Variants in MYH4 observed in about 807,000 individuals in gnomAD.
MYH4 encodes myosin-4.
MYH4 carries 200 observed loss-of-function variants against 229.9 expected under a neutral mutation model. The ratio of observed to expected loss-of-function variants is 0.87; its 90% confidence interval spans 0.78 to 0.98. The LOEUF (loss-of-function observed/expected upper bound fraction) is 0.98. MYH4 is among the 50% of genes least tolerant of loss of function. MYH4 has a pLI of 0.00. For synonymous variants in MYH4, 761 were observed against 834.6 expected (o/e 0.91, Z 1.52); for missense variants, 2,148 against 2,332.6 (o/e 0.92, Z 1.63).
At chr17:10,467,930 C>A (rs2072785003) in intron 2 of MYH4, among the ~76,000 whole-genome samples, 1 of 152,186 alleles carries the variant, frequency 6.6e-6, no homozygotes, top group East Asian at 1.9e-4. Flanking sequence ...ATGATGGCGA[C>A]AACAGCAATA....
In MYH4 at chr17:10,466,738, G is replaced by C. The variant is rs1359475796; in HGVS notation, c.8C>G (p.Ser3Cys). 6.2e-7 allele frequency: 1 copy of C among 1,614,234 alleles called. No individual in the cohort carries two copies. Among genetic ancestry groups the C allele is most frequent in the Admixed American group, 1.7e-5 (1 of 60,026 alleles). Residue 3 changes from serine to cysteine, a missense_variant, in exon 3 of 40, where the codon TCT becomes TGT. Transcript: ENST00000255381. MS[S>C]DSEMAIFGEA... ...CCCAAAAATGGCCATCTCAGAGTCA[G>C]AACTCATGGCTGCAGGTTATTGATG...
chr17:10,444,601 C>G lies in MYH4; in HGVS notation c.5667+3G>C, dbSNP rs1375478811. ...CTTTCATTTCCACTGTGGAGATACT[C>G]ACAGCCTCTTCAGCTTGTCTCTTGT... On this transcript the variant is annotated splice_donor_region_variant and intron_variant, in intron 39 of 39. Transcript: ENST00000255381. 6 of 1,612,496 alleles carry G rather than the reference C, an allele frequency of 3.7e-6. No individual in the cohort carries two copies.
At chr17:10,445,442 G>A in intron 35 of MYH4, 80 bp from the exon 36 acceptor site, 1 of 1,530,598 alleles carries the variant, frequency 6.5e-7, no homozygotes, top group Non-Finnish European at 8.9e-7. Flanking sequence ...GTGTACACAG[G>A]CAAAAATTAT....
rs1348466283 is a variant in MYH4, at chr17:10,459,391, A to T, written c.1447T>A (p.Phe483Ile). Residue 483 changes from phenylalanine (F) to isoleucine (I), a missense_variant, in exon 15 of 40, where the codon TTC (phenylalanine) becomes ATC (isoleucine). By Grantham distance (21) the Phe-to-Ile change is conservative. Transcript: ENST00000255381. ...FNSLEQLCIN[F>I]TNEKLQQFFN... ...AACTGTTGCAGTTTCTCGTTGGTGAAGTTGATGCACAGCTGCTCCAGGCTG... is the reference window on the plus strand; with the variant it reads ...AACTGTTGCAGTTTCTCGTTGGTGATGTTGATGCACAGCTGCTCCAGGCTG... 3.1e-6 allele frequency: 5 copies of T among 1,614,206 alleles called. No homozygotes were observed. Among genetic ancestry groups the T allele is most frequent in the Non-Finnish European group, 4.2e-6 (5 of 1,180,048 alleles).
Position 10,445,150 on chromosome 17 carries a change from G to C in MYH4, c.5296-4C>G. The C allele has an allele frequency of 6.2e-7, 1 of 1,614,166 alleles. No individual in the cohort carries two copies. The highest frequency in any genetic ancestry group is 1.1e-5 in the South Asian group (1 of 91,074). On this transcript the variant is annotated splice_region_variant and splice_polypyrimidine_tract_variant and intron_variant, in intron 36 of 39. Transcript: ENST00000255381. ...GCTCCTCAGCCATCATGGCAGCCTA[G>C]TTAGCAAATAAATTTTGAAAATAAT...
chr17:10,465,328 C>G, intron 5 of MYH4, 114 bp downstream of exon 5: 1 of 1,306,620 alleles, frequency 7.7e-7, no homozygotes, highest in East Asian at 2.3e-5. Flanking sequence ...TTTATTATTT[C>G]TGTTATCATG....
At chr17:10,468,782 A>G (rs1311320789) in intron 2 of MYH4, among the ~76,000 whole-genome samples, 1 of 152,220 alleles carries the variant, frequency 6.6e-6, no homozygotes, top group East Asian at 1.9e-4. Context: ...AGGGTCATTC[A>G]GTGTCATAGT....
chr17:10,453,116 C>A, intron 24 of MYH4, 36 bp downstream of exon 24: 1 of 1,613,034 alleles, frequency 6.2e-7, no homozygotes, highest in Non-Finnish European at 8.5e-7. Context: ...TTGTTTATTT[C>A]ATTGCAAGGG....
chr17:10,464,648 C>G (rs779478419), intron 6 of MYH4, 33 bp downstream of exon 6: 2 of 1,613,426 alleles, frequency 1.2e-6, no homozygotes, highest in East Asian at 2.2e-5. Flanking sequence ...CTACAATGAT[C>G]AAAACAGAAA....
Position 10,444,824 on chromosome 17 carries a change from C to G in MYH4, c.5542G>C (p.Glu1848Gln), listed in dbSNP as rs1567697370. 1 of 1,613,988 alleles carries G rather than the reference C, an allele frequency of 6.2e-7. No individual in the cohort carries two copies. Among genetic ancestry groups the G allele is most frequent in the Non-Finnish European group, 8.5e-7 (1 of 1,180,014 alleles). ...TAAGTGAGTTCCTTCACTCTTCTCT[C>G]ATGTTTGCGAAGACCCTTGACAGCC... ...VEAVKGLRKH[E>Q]RRVKELTYQT... The change falls in exon 38 of 40, where the codon GAG (glutamate) becomes CAG (glutamine). Residue 1848 changes from glutamate to glutamine, a missense_variant. Transcript: ENST00000255381.
In MYH4 at chr17:10,445,045, G is replaced by A. The variant is rs777527554; in HGVS notation, c.5397C>T (p.Leu1799=). 8.1e-5 allele frequency: 130 copies of A among 1,614,130 alleles called. 1 individual carries two copies. The South Asian group carries it at 1.3e-3, about 16-fold the overall frequency. Residue 1799 remains leucine (L), a synonymous_variant, in exon 37 of 40, where the codon CTC becomes CTT. Coordinates refer to ENST00000255381, the MANE Select transcript of MYH4 (RefSeq NM_017533.2). ...CCAGCTGCTCAGCCTCATCCAGACG[G>A]AGCTGCAGATCCTTCACGGTCTGCT... ...NMEQTVKDLQ[L]RLDEAEQLAL...
rs113859245 is a variant in MYH4 at position 10,456,137 on chromosome 17, C to T, written c.1969-236G>A. Among the ~76,000 whole-genome samples, 387 of 152,186 alleles carry T rather than the reference C, an allele frequency of 2.5e-3. 1 individual carries two copies. The highest frequency in any genetic ancestry group is 8.9e-3 in the African/African-American group (371 of 41,518). On this transcript the variant is annotated intron_variant, in intron 17 of 39. Coordinates refer to ENST00000255381, the MANE Select transcript of MYH4 (RefSeq NM_017533.2). ...CACCAGTCAGAGAAACTTTGTATTG[C>T]GATTTTTGTCACATGAAGGAGATGT...
intron 12 of MYH4, 151 bp from the exon 13 acceptor site, chr17:10,460,472 C>G (rs1333985549): frequency 1.5e-6 from 1 of 653,714 alleles, no homozygotes; most frequent in Non-Finnish European, 2.6e-6. Context: ...GCCTCAAAAG[C>G]ATTGCCACCA....
chr17:10,448,993 AT>A lies in MYH4; in HGVS notation c.4235del (p.Asn1412IlefsTer18). 5 of 1,614,116 alleles carry A rather than the reference AT, an allele frequency of 3.1e-6. No individual in the cohort carries two copies. The highest frequency in any genetic ancestry group is 4.2e-6 in the Non-Finnish European group (5 of 1,180,010). ...QDAEEHVEAV[N>X]SKCASLEKTK... ...TCTTTTCAAGAGAAGCACATTTGGA[AT>A]TCACAGCTTCTACATGTTCTTCTGC... On this transcript the variant is annotated frameshift_variant, in exon 31 of 40. Coordinates refer to ENST00000255381, the MANE Select transcript of MYH4 (RefSeq NM_017533.2). LOFTEE classifies it high-confidence loss of function.
rs771281792 is a variant in MYH4, at chr17:10,455,833, G to A, written c.2037C>T (p.Pro679=). The change falls in exon 18 of 40, where the codon CCC becomes CCT. Residue 679 remains proline (P), a synonymous_variant. Coordinates refer to ENST00000255381, the MANE Select transcript of MYH4 (RefSeq NM_017533.2). ...TCTTACCAGGAGTTTTAGTTTCATT[G>A]GGGATGATGCACCGCACAAAGTGGG... ...THPHFVRCII[P]NETKTPGAME... 1.2e-6 allele frequency: 2 copies of A among 1,614,170 alleles called. No homozygotes were observed. The highest frequency in any genetic ancestry group is 2.2e-5 in the East Asian group (1 of 44,886).
chr17:10,459,533 C>G (rs953462198), intron 14 of MYH4, 112 bp from the exon 15 acceptor site: 2 of 1,541,882 alleles, frequency 1.3e-6, no homozygotes, highest in Non-Finnish European at 1.8e-6. Context: ...AAATTATAAA[C>G]CTTCAGATTG....
At chr17:10,450,735 C>G in intron 29 of MYH4, 42 bp downstream of exon 29, 1 of 1,609,870 alleles carries the variant, frequency 6.2e-7, no homozygotes, top group Non-Finnish European at 8.5e-7. Flanking sequence ...TGTTATGTTG[C>G]ACGGTTCAAG....
At position 10,465,774 on chromosome 17, in the gene MYH4, T is replaced by C. The variant is rs374082546; in HGVS notation, c.349-176A>G. ...GCACAAAATGCTTCAGTTTTTCTTT[T>C]TTTTTTTTTTTTTTTTTTGAGACGG... On this transcript the variant is annotated intron_variant, in intron 4 of 39. Coordinates refer to ENST00000255381, the MANE Select transcript of MYH4 (RefSeq NM_017533.2). Among the ~76,000 whole-genome samples, 428 of 136,858 alleles carry C rather than the reference T, an allele frequency of 3.1e-3. 3 individuals carry two copies. The highest frequency in any genetic ancestry group is 0.011 in the African/African-American group (398 of 35,832). 89.8% of individuals were successfully genotyped at this position (136,858 alleles called of 152,430 possible).
intron 16 of MYH4, 106 bp downstream of exon 16, chr17:10,457,314 G>T: frequency 1.6e-6 from 2 of 1,250,560 alleles, no homozygotes; most frequent in South Asian, 1.6e-5. Flanking sequence ...GGCATGTATT[G>T]GCCAGTGTTT....
Sources: allele counts gnomAD v4.1 joint callset (sites outside exome capture counted in the v4.1 genomes callset), GRCh38; gene constraint gnomAD v4.1.1; transcripts MANE v1.5; gene names NCBI Gene and HGNC (gene_info 2026-07-23, HGNC 2026-07-21).